The following PER3 variants were observed in gnomAD, a reference collection of about 807,000 sequenced individuals.
PER3 encodes period circadian regulator 3.
Under a neutral mutation model 127.2 loss-of-function variants are expected in PER3, and 107 were observed. The ratio of observed to expected loss-of-function variants is 0.84; its 90% CI spans 0.72 to 0.99. The LOEUF (loss-of-function observed/expected upper bound fraction) is 0.99. Among genes scored for constraint, PER3 ranks in the 50% least tolerant of loss-of-function variants. The pLI is 0.00. For missense variants in PER3, 1,560 were observed against 1,525.8 expected (o/e 1.02, Z -0.37); for synonymous variants, 618 against 585.8 (o/e 1.05, Z -0.79).
intron 13 of PER3, among the ~76,000 whole-genome samples, chr1:7,814,536 T>C (rs1323719279): frequency 6.6e-6 from 1 of 152,110 alleles, no homozygotes; most frequent in Non-Finnish European, 1.5e-5. Flanking sequence ...TCAAAAATCA[T>C]GGGAATTTAT....
At position 7,842,708 on chromosome 1, in the gene PER3, G is replaced by A. The variant is rs1254519432; in HGVS notation, c.3586G>A (p.Gly1196Ser). 1.2e-6 allele frequency: 2 copies of A among 1,613,480 alleles called. No individual in the cohort carries two copies. The highest frequency in any genetic ancestry group is 2.2e-5 in the South Asian group (2 of 91,054). The change falls in exon 22 of 22, where the codon GGT becomes AGT. Residue 1196 changes from glycine to serine, a missense_variant. By Grantham distance (56) the Gly-to-Ser change is moderately conservative. Around this residue, in one of 3 missense-constraint regions of PER3, gnomAD observed 199 missense variants for 198.6 expected, o/e 1.00. Coordinates refer to ENST00000377532, the MANE Select transcript of PER3 (RefSeq NM_001377275.1). ...TTGTGAAAATGAAGATTCAGCTGAT[G>A]GTGCGGCCACATCCTGTGGTCAGGT... is the stretch of plus-strand genomic sequence containing the variant. ...VTCENEDSADGAATSCGQVLV... is the reference protein window; with the variant it reads ...VTCENEDSADSAATSCGQVLV...
At position 7,843,818 on chromosome 1, in the gene PER3, A is replaced by G. The variant is rs1326009185; in HGVS notation, c.*1063A>G. The G allele has an allele frequency of 1.9e-5, 16 of 859,804 alleles. No individual in the cohort carries two copies. The highest frequency in any genetic ancestry group is 1.8e-5 in the Non-Finnish European group (12 of 655,014). The allele number at this position is 859,804 out of a possible 1,614,324, so 53.3% of individuals were successfully genotyped here. A position where few individuals can be genotyped will look rare whatever the true frequency, so the allele number is the denominator to read the frequency against. On this transcript the variant is annotated 3_prime_UTR_variant, in exon 22 of 22. Coordinates refer to ENST00000377532, the MANE Select transcript of PER3 (RefSeq NM_001377275.1). ...CAGGCTCCATCAGTCACCGCTTTCT[A>G]TGGCGTTTGTAGTTGTGTCTTTTAA...
At chr1:7,786,694 A>AC in intron 3 of PER3, 27 bp from the exon 4 acceptor site, 1 of 1,137,882 alleles carries the variant, frequency 8.8e-7, no homozygotes. Flanking sequence ...TCACTGGACT[A>AC]CCTGTTTATC....
At chr1:7,795,174 G>A in intron 6 of PER3, among the ~76,000 whole-genome samples, 1 of 152,160 alleles carries the variant, frequency 6.6e-6, no homozygotes, top group East Asian at 1.9e-4. Flanking sequence ...CAAGTGAGTT[G>A]TATGAAGATC....
chr1:7,815,119 C>T (rs1402973382), intron 13 of PER3, among the ~76,000 whole-genome samples: 1 of 152,124 alleles, frequency 6.6e-6, no homozygotes, highest in Non-Finnish European at 1.5e-5. Context: ...CATACTTCAT[C>T]TCTAAAAATA....
At chr1:7,793,879 T>C in intron 5 of PER3, 78 bp from the exon 6 acceptor site, 1 of 1,194,282 alleles carries the variant, frequency 8.4e-7, no homozygotes, top group South Asian at 1.2e-5. Context: ...AGTTTGTTGT[T>C]TGATAATGGT....
At chr1:7,820,378 C>A in intron 15 of PER3, 89 bp from the exon 16 acceptor site, 1 of 1,424,092 alleles carries the variant, frequency 7.0e-7, no homozygotes, top group Non-Finnish European at 9.5e-7. Flanking sequence ...TTTAATTTCT[C>A]AGTTACAAAC....
chr1:7,798,490 G>A lies in PER3; in HGVS notation c.645-35G>A, dbSNP rs182446747. On this transcript the variant is annotated intron_variant, in intron 6 of 21. Transcript: ENST00000377532. ...GTTTCGCCATGGGCCAGTAGGGTGC[G>A]TCAGGACCAGCACTAATATCTTTAA... 6.7e-5 allele frequency: 106 copies of A among 1,582,312 alleles called. No homozygotes were observed. The East Asian group carries it at 1.6e-3, about 24-fold the overall frequency.
intron 10 of PER3, among the ~76,000 whole-genome samples, chr1:7,806,082 A>T (rs932802754): frequency 1.3e-5 from 2 of 152,216 alleles, no homozygotes; most frequent in Non-Finnish European, 2.9e-5. Flanking sequence ...TCTCTTTACC[A>T]TCAGGAAACC....
At chr1:7,795,979 G>C (rs1382073915) in intron 6 of PER3, among the ~76,000 whole-genome samples, 1 of 152,196 alleles carries the variant, frequency 6.6e-6, no homozygotes, top group East Asian at 1.9e-4. Context: ...GTCATTCTAA[G>C]AGAGGAAGTT....
At chr1:7,820,335 C>G in intron 15 of PER3, 96 bp downstream of exon 15, 1 of 1,448,582 alleles carries the variant, frequency 6.9e-7, no homozygotes, top group Non-Finnish European at 9.4e-7. Context: ...GCATAAAATT[C>G]TGGTTTCATA....
In PER3 at chr1:7,827,363, C is replaced by T. The variant is rs1421619440; in HGVS notation, c.2434C>T (p.Leu812Phe). ...CCCTTACCTCGTCCCAGCTTTTCCC[C>T]TCCCAGCCGCGACCTCACCCGGAAG... ...QAPYLVPAFP[L>F]PAATSPGREY... Residue 812 changes from leucine (L) to phenylalanine (F), a missense_variant, in exon 18 of 22, where the codon CTC (leucine) becomes TTC (phenylalanine). Physicochemically the swap from Leu to Phe is conservative, Grantham distance 22. This residue lies in a region of PER3 where 1,332 missense variants were observed against 1,223.6 expected (regional missense o/e 1.09). Coordinates refer to ENST00000377532, the MANE Select transcript of PER3 (RefSeq NM_001377275.1). 15 of 1,614,136 alleles carry T rather than the reference C, an allele frequency of 9.3e-6. No homozygotes were observed. Among genetic ancestry groups the T allele is most frequent in the Admixed American group, 5.0e-5 (3 of 60,014 alleles).
intron 7 of PER3, among the ~76,000 whole-genome samples, chr1:7,799,944 A>T (rs1418890593): frequency 6.6e-6 from 1 of 151,590 alleles, no homozygotes; most frequent in East Asian, 1.9e-4. Flanking sequence ...AATTTTATTT[A>T]TTTATTTATT....
At chr1:7,805,406 C>T (rs1453362752) in intron 10 of PER3, among the ~76,000 whole-genome samples, 1 of 152,146 alleles carries the variant, frequency 6.6e-6, no homozygotes, top group Non-Finnish European at 1.5e-5. Context: ...AGAGATGATG[C>T]CGAGCCATGG....
At position 7,813,137 on chromosome 1, in the gene PER3, T is replaced by C. The variant is rs943739014; in HGVS notation, c.1522+2549T>C. ...GGGAGGGCAAGGAATAACAGGGATA[T>C]GTAAAGCCCCTTCAGCTACATGTAC... On this transcript the variant is annotated intron_variant, in intron 13 of 21. Coordinates refer to ENST00000377532, the MANE Select transcript of PER3 (RefSeq NM_001377275.1). 2.0e-5 allele frequency among the ~76,000 whole-genome samples: 3 copies of C among 152,214 alleles called. No homozygotes were observed. The East Asian group carries it at 5.8e-4, about 29-fold the overall frequency.
At chr1:7,818,736 A>T (rs1352795390) in intron 13 of PER3, among the ~76,000 whole-genome samples, 4 of 152,250 alleles carry the variant, frequency 2.6e-5, no homozygotes, top group African/African-American at 4.8e-5. Flanking sequence ...TTAGTTTCTC[A>T]GTTGCTTTAG....
rs202098731 is a variant in PER3, at chr1:7,835,842, G to A, written c.3295G>A (p.Val1099Ile). ...CCAAAATGGGCAGCAATCTCAGGAC[G>A]TACAGAAAAAAGAAACATTTCCTAA... ...ISQNGQQSQDVQKKETFPNVA... is the reference protein window; with the variant it reads ...ISQNGQQSQDIQKKETFPNVA... Residue 1099 changes from valine (V) to isoleucine (I), a missense_variant, in exon 20 of 22, where the codon GTA becomes ATA. Around this residue, in one of 3 missense-constraint regions of PER3, gnomAD observed 199 missense variants for 198.6 expected, o/e 1.00. Coordinates refer to ENST00000377532, the MANE Select transcript of PER3 (RefSeq NM_001377275.1). The A allele has an allele frequency of 6.8e-6, 11 of 1,611,184 alleles. No individual in the cohort carries two copies. The highest frequency in any genetic ancestry group is 9.3e-6 in the Non-Finnish European group (11 of 1,177,416).
Position 7,820,482 on chromosome 1 carries a change from C to A in PER3, c.1799C>A (p.Pro600Gln), listed in dbSNP as rs765709725. Residue 600 changes from proline (P) to glutamine (Q), a missense_variant, in exon 16 of 22, where the codon CCA becomes CAA. Physicochemically the swap from Pro to Gln is moderately conservative, Grantham distance 76. Coordinates refer to ENST00000377532, the MANE Select transcript of PER3 (RefSeq NM_001377275.1). ...VQALQAGLQIPAIPKSEMPTN... is the reference protein window; with the variant it reads ...VQALQAGLQIQAIPKSEMPTN... Reference sequence around the variant, plus strand: ...ACACCACCAGCTGGTTTGCAAATCCCAGCCATACCTAAATCAGAAATGCCA... The same window carrying A: ...ACACCACCAGCTGGTTTGCAAATCCAAGCCATACCTAAATCAGAAATGCCA... The A allele has an allele frequency of 6.2e-7, 1 of 1,610,620 alleles. No homozygotes were observed. The highest frequency in any genetic ancestry group is 8.5e-7 in the Non-Finnish European group (1 of 1,178,810).
At chr1:7,792,246 A>T (rs1230333292) in intron 5 of PER3, among the ~76,000 whole-genome samples, 1 of 152,168 alleles carries the variant, frequency 6.6e-6, no homozygotes. Context: ...AGCAAGGAGA[A>T]GCGCCAAGCA....
Sources: allele counts gnomAD v4.1 joint callset (sites outside exome capture counted in the v4.1 genomes callset), GRCh38; gene constraint gnomAD v4.1.1; regional missense constraint gnomAD v4.1.1; transcripts MANE v1.5; gene names NCBI Gene and HGNC (gene_info 2026-07-23, HGNC 2026-07-21).